PAPSS1: variants seen among roughly 807,000 people sequenced by gnomAD.
PAPSS1 encodes bifunctional 3'-phosphoadenosine 5'-phosphosulfate synthase 1.
PAPSS1 carries 50 observed loss-of-function variants against 72.0 expected under a neutral mutation model. That is an observed-to-expected ratio of 0.69 (90% CI 0.55 to 0.88). PAPSS1 has a LOEUF of 0.88. Ranked by LOEUF, PAPSS1 falls within the 40% of genes least tolerant of loss-of-function variation. The probability of loss-of-function intolerance (pLI) is 0.00; values close to 1 mark genes in which losing one functional copy is unlikely to be tolerated. For missense variants in PAPSS1, 657 were observed against 782.2 expected (o/e 0.84, Z 1.91); for synonymous variants, 261 against 263.6 (o/e 0.99, Z 0.09).
chr4:107,674,479 C>T (rs532965096), intron 5 of PAPSS1, among the ~76,000 whole-genome samples: 1 of 152,268 alleles, frequency 6.6e-6, no homozygotes, highest in Admixed American at 6.5e-5. Context: ...ACAAGAAGAG[C>T]TAACTATCCT....
chr4:107,705,236 T>C (rs992678183), intron 1 of PAPSS1, among the ~76,000 whole-genome samples: 6 of 152,186 alleles, frequency 3.9e-5, no homozygotes, highest in Non-Finnish European at 8.8e-5. Flanking sequence ...AATCGTGATA[T>C]GGTTTGGCTA....
intron 2 of PAPSS1, among the ~76,000 whole-genome samples, chr4:107,696,815 G>A (rs1473949322): frequency 2.0e-5 from 3 of 152,036 alleles, no homozygotes; most frequent in Non-Finnish European, 2.9e-5. Context: ...ATTAAAAACC[G>A]ATATTAATGA....
intron 5 of PAPSS1, among the ~76,000 whole-genome samples, chr4:107,676,324 A>C (rs1455817743): frequency 6.6e-6 from 1 of 152,224 alleles, no homozygotes; most frequent in African/African-American, 2.4e-5. Context: ...CTGACAGCCA[A>C]CTTCAGCAAA....
At chr4:107,655,990 G>C (rs1037081248) in intron 7 of PAPSS1, among the ~76,000 whole-genome samples, 2 of 152,198 alleles carry the variant, frequency 1.3e-5, no homozygotes, top group African/African-American at 2.4e-5. Context: ...AGCAATTATA[G>C]TAGGGTTCTG....
At chr4:107,686,227 A>G (rs1399346320) in intron 4 of PAPSS1, among the ~76,000 whole-genome samples, 2 of 151,724 alleles carry the variant, frequency 1.3e-5, no homozygotes, top group Non-Finnish European at 2.9e-5. Context: ...CTTGGTAATC[A>G]TGCGGATTTG....
intron 4 of PAPSS1, among the ~76,000 whole-genome samples, chr4:107,684,177 A>G (rs966296204): frequency 6.6e-6 from 1 of 152,218 alleles, no homozygotes; most frequent in Non-Finnish European, 1.5e-5. Flanking sequence ...ACTTGGCACC[A>G]AATACATACC....
In PAPSS1 at chr4:107,614,150, C is replaced by T. The variant is rs1399178825; in HGVS notation, c.*99G>A. The T allele has an allele frequency of 8.0e-7, 1 of 1,250,742 alleles. No homozygotes were observed. Among genetic ancestry groups the T allele is most frequent in the East Asian group, 2.4e-5 (1 of 41,424 alleles). 77.5% of individuals were successfully genotyped at this position (1,250,742 alleles called of 1,614,324 possible). A position where few individuals can be genotyped will look rare whatever the true frequency, so the allele number is the denominator to read the frequency against. ...AGGAAAATGGTCTGTTTTTAGGAAG[C>T]ATGTCCAGACAGACACCACAAAGAA... On this transcript the variant is annotated 3_prime_UTR_variant, in exon 12 of 12. Transcript: ENST00000265174.
chr4:107,654,800 G>A lies in PAPSS1; in HGVS notation c.996C>T (p.Gly332=). Reference sequence around the variant, plus strand: ...GATTGCGAAGAATGGCCACACGGCGGCCCTCATACATCAGAGCAAATGCTG... The same window carrying A: ...GATTGCGAAGAATGGCCACACGGCGACCCTCATACATCAGAGCAAATGCTG... ...GCTAFALMYE[G]RRVAILRNPE... The change falls in exon 8 of 12, where the codon GGC becomes GGT. Residue 332 remains glycine, a synonymous_variant. Coordinates refer to ENST00000265174, the MANE Select transcript of PAPSS1 (RefSeq NM_005443.5). 6.2e-7 allele frequency: 1 copy of A among 1,613,916 alleles called. No homozygotes were observed. The highest frequency in any genetic ancestry group is 8.5e-7 in the Non-Finnish European group (1 of 1,179,874).
intron 5 of PAPSS1, among the ~76,000 whole-genome samples, chr4:107,661,245 A>T (rs1191136865): frequency 2.0e-5 from 3 of 152,226 alleles, no homozygotes; most frequent in Non-Finnish European, 4.4e-5. Context: ...CCTCATTCAT[A>T]GCTGGTGGGG....
At chr4:107,616,506 C>A (rs1277881971) in intron 11 of PAPSS1, among the ~76,000 whole-genome samples, 1 of 151,994 alleles carries the variant, frequency 6.6e-6, no homozygotes, top group African/African-American at 2.4e-5. Flanking sequence ...GGTTTATTAT[C>A]TAACTAGGAG....
chr4:107,710,570 T>C (rs1723464643), intron 1 of PAPSS1, among the ~76,000 whole-genome samples: 1 of 152,182 alleles, frequency 6.6e-6, no homozygotes, highest in Non-Finnish European at 1.5e-5. Flanking sequence ...CTCAGGGGCA[T>C]ATGCAGGTGA....
At chr4:107,679,587 C>G (rs1420643379) in intron 5 of PAPSS1, among the ~76,000 whole-genome samples, 1 of 151,686 alleles carries the variant, frequency 6.6e-6, no homozygotes, top group African/African-American at 2.4e-5. Flanking sequence ...ACCAAGAAAG[C>G]AAGAAAAACT....
chr4:107,622,581 T>C (rs1360338705), intron 11 of PAPSS1, among the ~76,000 whole-genome samples: 1 of 152,226 alleles, frequency 6.6e-6, no homozygotes, highest in East Asian at 1.9e-4. Flanking sequence ...TCTGTTGCAT[T>C]ACTGATTAAA....
At chr4:107,699,710 C>T (rs1377289746) in intron 2 of PAPSS1, among the ~76,000 whole-genome samples, 1 of 152,118 alleles carries the variant, frequency 6.6e-6, no homozygotes, top group African/African-American at 2.4e-5. Flanking sequence ...AAAGAAAAAG[C>T]TGATTAGGCT....
At chr4:107,652,127 T>C (rs1018047457) in intron 9 of PAPSS1, among the ~76,000 whole-genome samples, 2 of 152,170 alleles carry the variant, frequency 1.3e-5, no homozygotes, top group Non-Finnish European at 2.9e-5. Flanking sequence ...GCCAGCTATA[T>C]ACCCCAAAAA....
At chr4:107,685,000 T>G (rs559886918) in intron 4 of PAPSS1, among the ~76,000 whole-genome samples, 27 of 152,200 alleles carry the variant, frequency 1.8e-4, no homozygotes, top group East Asian at 7.7e-4. Context: ...CTGCCTCCTG[T>G]GTTCACGCCA....
chr4:107,614,225 A>G lies in PAPSS1; in HGVS notation c.*24T>C. On this transcript the variant is annotated 3_prime_UTR_variant, in exon 12 of 12. Coordinates refer to ENST00000265174, the MANE Select transcript of PAPSS1 (RefSeq NM_005443.5). ...CCTCTTGTTACTAGTAATGTGTCAA[A>G]GGTGGAGTGACTGGGTTAACAGCCT... 12 of 1,608,228 alleles carry G rather than the reference A, an allele frequency of 7.5e-6. No individual in the cohort carries two copies. The highest frequency in any genetic ancestry group is 1.0e-5 in the Non-Finnish European group (12 of 1,176,478).
At chr4:107,649,381 C>A (rs977393853) in intron 9 of PAPSS1, among the ~76,000 whole-genome samples, 2 of 152,252 alleles carry the variant, frequency 1.3e-5, no homozygotes, top group Admixed American at 6.5e-5. Flanking sequence ...CCTGCTCTCA[C>A]CCCTTTGGGA....
intron 10 of PAPSS1, among the ~76,000 whole-genome samples, chr4:107,642,988 C>T (rs1726589928): frequency 6.6e-6 from 1 of 152,120 alleles, no homozygotes; most frequent in Non-Finnish European, 1.5e-5. Flanking sequence ...ACCTTCACGC[C>T]AGCGCTATTC....
Sources: gnomAD v4.1 joint callset for allele counts (sites outside exome capture counted in the v4.1 genomes callset) on GRCh38, gnomAD v4.1.1 for gene constraint, MANE v1.5 for transcripts, NCBI Gene and HGNC (gene_info 2026-07-23, HGNC 2026-07-21) for gene names.